The following MGAT4C variants were observed in gnomAD, a reference collection of about 807,000 sequenced individuals.
The protein encoded by MGAT4C is alpha-1,3-mannosyl-glycoprotein 4-beta-N-acetylglucosaminyltransferase C.
A neutral mutation model predicts 40.1 loss-of-function variants in MGAT4C; 19 were observed. The observed-to-expected ratio is 0.47, with a 90% confidence interval of 0.33 to 0.70. The LOEUF (loss-of-function observed/expected upper bound fraction) is 0.70. Among genes scored for constraint, MGAT4C ranks in the 30% least tolerant of loss-of-function variants. MGAT4C has a pLI of 0.02. For missense variants in MGAT4C, 491 were observed against 563.2 expected, an observed-to-expected ratio of 0.87 and a Z score of 1.30; for synonymous variants, 181 against 187.1, an observed-to-expected ratio of 0.97 and a Z score of 0.27.
chr12:86,778,097 G>A lies in MGAT4C; in HGVS notation c.-261-50856C>T, dbSNP rs529837534. 2.6e-5 allele frequency among the ~76,000 whole-genome samples: 4 copies of A among 152,184 alleles called. No homozygotes were observed. In the East Asian group the frequency reaches 7.7e-4, roughly 29 times the overall value. On this transcript the variant is annotated intron_variant, in intron 1 of 7. Transcript: ENST00000548651. ...TACAAATTGCTTGGCCTGCATCAAG[G>A]CCTTTTCCTTTCAAAGCAGCTTTCT...
chr12:86,838,497 T>C (rs1193711778), intron 1 of MGAT4C, among the ~76,000 whole-genome samples: 1 of 152,170 alleles, frequency 6.6e-6, no homozygotes. Flanking sequence ...TAATCTTCAG[T>C]AAAGGGAGCA....
At chr12:86,435,209 G>C (rs1957115708) in exon 3 of MGAT4C, 1 of 151,900 alleles carries the variant, frequency 6.6e-6, no homozygotes. Context: ...GCTCTTGTTT[G>C]AAAGACAGAT....
At chr12:86,138,765 A>G (rs1593046835) in intron 1 of MGAT4C, among the ~76,000 whole-genome samples, 4 of 151,844 alleles carry the variant, frequency 2.6e-5, no homozygotes, top group Admixed American at 6.6e-5. Flanking sequence ...AAAATTAACA[A>G]GAGAACTGCT....
chr12:86,000,663 G>C (rs1200620877), intron 2 of MGAT4C, among the ~76,000 whole-genome samples: 1 of 152,072 alleles, frequency 6.6e-6, no homozygotes, highest in Non-Finnish European at 1.5e-5. Context: ...ATATTTTCCA[G>C]ATCTAATAAA....
chr12:86,675,733 T>C (rs1288538380), intron 2 of MGAT4C, among the ~76,000 whole-genome samples: 3 of 152,298 alleles, frequency 2.0e-5, no homozygotes, highest in South Asian at 2.1e-4. Context: ...TGGGGATGCA[T>C]GTAATATTTT....
chr12:86,596,079 A>G (rs896667672), intron 2 of MGAT4C, among the ~76,000 whole-genome samples: 1 of 150,180 alleles, frequency 6.7e-6, no homozygotes. Context: ...ACAAGTACCA[A>G]CTCTTTTTTT....
At chr12:86,561,765 T>A (rs758705088) in intron 2 of MGAT4C, among the ~76,000 whole-genome samples, 9 of 152,162 alleles carry the variant, frequency 5.9e-5, no homozygotes, top group Non-Finnish European at 1.2e-4. Context: ...TCCTATTAGA[T>A]CTGTCCCTCT....
chr12:86,113,337 A>T (rs1294996815), intron 1 of MGAT4C, among the ~76,000 whole-genome samples: 1 of 151,808 alleles, frequency 6.6e-6, no homozygotes, highest in South Asian at 2.1e-4. Flanking sequence ...CACAAAATCT[A>T]ACTGTGGTGC....
intron 3 of MGAT4C, among the ~76,000 whole-genome samples, chr12:86,400,510 T>C (rs1198852123): frequency 3.3e-5 from 5 of 152,150 alleles, no homozygotes; most frequent in African/African-American, 1.2e-4. Context: ...GCAGATTAGA[T>C]GGTAAGCCAT....
intron 1 of MGAT4C, among the ~76,000 whole-genome samples, chr12:86,801,502 C>A (rs1952225310): frequency 6.6e-6 from 1 of 151,632 alleles, no homozygotes; most frequent in Admixed American, 6.6e-5. Context: ...ATAGAAAGTT[C>A]TGAGTTTGTT....
intron 3 of MGAT4C, among the ~76,000 whole-genome samples, chr12:86,360,184 C>T (rs1344284646): frequency 6.6e-6 from 1 of 152,126 alleles, no homozygotes; most frequent in Non-Finnish European, 1.5e-5. Context: ...GTTCAACATA[C>T]ACAAATCAAT....
At chr12:86,823,656 T>A (rs1314201385) in intron 1 of MGAT4C, among the ~76,000 whole-genome samples, 2 of 150,506 alleles carry the variant, frequency 1.3e-5, no homozygotes, top group African/African-American at 4.9e-5. Flanking sequence ...AAAAAGACAA[T>A]TTTTAAAGAG....
intron 2 of MGAT4C, among the ~76,000 whole-genome samples, chr12:86,504,993 T>C (rs1482680713): frequency 6.6e-6 from 1 of 152,198 alleles, no homozygotes; most frequent in Non-Finnish European, 1.5e-5. Context: ...ATCTTAGTCA[T>C]ACATACATAA....
chr12:86,542,662 G>A (rs1959174320), intron 2 of MGAT4C, among the ~76,000 whole-genome samples: 1 of 152,064 alleles, frequency 6.6e-6, no homozygotes, highest in Non-Finnish European at 1.5e-5. Flanking sequence ...TACCTGATAT[G>A]CTGTAGAAAC....
chr12:86,625,320 T>C (rs1203315827), intron 2 of MGAT4C, among the ~76,000 whole-genome samples: 2 of 152,116 alleles, frequency 1.3e-5, no homozygotes, highest in Admixed American at 1.3e-4. Flanking sequence ...AGTATTTTTA[T>C]TGCAGTGTGA....
At chr12:86,384,896 C>G (rs868738000) in intron 3 of MGAT4C, among the ~76,000 whole-genome samples, 1 of 152,166 alleles carries the variant, frequency 6.6e-6, no homozygotes, top group Non-Finnish European at 1.5e-5. Flanking sequence ...GATACTTAAG[C>G]TGTTAACCAT....
chr12:86,833,118 C>T (rs559799911), intron 1 of MGAT4C, among the ~76,000 whole-genome samples: 1 of 151,772 alleles, frequency 6.6e-6, no homozygotes, highest in Non-Finnish European at 1.5e-5. Flanking sequence ...CTATCTTGTG[C>T]CATAAAACGG....
chr12:86,226,950 T>G (rs1951108856), intron 1 of MGAT4C, among the ~76,000 whole-genome samples: 1 of 151,964 alleles, frequency 6.6e-6, no homozygotes. Flanking sequence ...CTCCTCTAAC[T>G]TGTAGTTTAT....
intron 2 of MGAT4C, among the ~76,000 whole-genome samples, chr12:86,455,647 A>C (rs540437547): frequency 9.2e-5 from 14 of 152,262 alleles, no homozygotes; most frequent in Admixed American, 9.2e-4. Flanking sequence ...GGACTCTCTT[A>C]ATATGTGTTC....
Sources: gnomAD v4.1 joint callset for allele counts (sites outside exome capture counted in the v4.1 genomes callset) on GRCh38, gnomAD v4.1.1 for gene constraint, MANE v1.5 for transcripts, NCBI Gene and HGNC (gene_info 2026-07-23, HGNC 2026-07-21) for gene names.